Variants in KIF4A observed in about 807,000 individuals in gnomAD.
KIF4A encodes chromosome-associated kinesin KIF4A.
KIF4A carries 7 observed loss-of-function variants against 105.9 expected under a neutral mutation model. The ratio of observed to expected loss-of-function variants is 0.07; its 90% CI spans 0.04 to 0.12. The LOEUF is 0.12. Ranked by LOEUF, KIF4A falls within the 10% of genes least tolerant of loss-of-function variation. The probability of loss-of-function intolerance (pLI) is 1.00; values close to 1 mark genes in which losing one functional copy is unlikely to be tolerated. For synonymous variants in KIF4A, 281 were observed against 331.3 expected (o/e 0.85, Z 1.65); for missense variants, 558 against 929.2 (o/e 0.60, Z 5.19).
At chrX:70,418,617 C>G (rs755824807) in intron 29 of KIF4A, among the ~76,000 whole-genome samples, 1 of 111,679 alleles carries the variant, frequency 9.0e-6, no homozygotes, top group Admixed American at 9.5e-5. Context: ...AAGAGCAGCA[C>G]CAAGCAGGTC....
chrX:70,290,867 A>G, intron 3 of KIF4A, 62 bp downstream of exon 3: 1 of 796,028 alleles, frequency 1.3e-6, no homozygotes, highest in Non-Finnish European at 1.9e-6. Context: ...CTATGTGCCA[A>G]GCACTGTGCT....
At chrX:70,409,415 G>A (rs1377781452) in intron 28 of KIF4A, among the ~76,000 whole-genome samples, 1 of 111,770 alleles carries the variant, frequency 8.9e-6, no homozygotes, top group Non-Finnish European at 1.9e-5. Flanking sequence ...ATTTATGGAC[G>A]TTTTACTATA....
At chrX:70,368,825 T>G (rs2086117160) in intron 15 of KIF4A, among the ~76,000 whole-genome samples, 1 of 112,191 alleles carries the variant, frequency 8.9e-6, no homozygotes, top group Non-Finnish European at 1.9e-5. Flanking sequence ...GCCTTTTGTT[T>G]GGCTATGCCC....
intron 15 of KIF4A, among the ~76,000 whole-genome samples, chrX:70,363,594 A>G (rs12392483): frequency 0.017 from 1,900 of 111,566 alleles, 37 homozygotes; most frequent in African/African-American, 0.058. Flanking sequence ...TTATGGCTAC[A>G]TAGTCCATGC....
intron 22 of KIF4A, among the ~76,000 whole-genome samples, chrX:70,400,837 G>C (rs1412332994): frequency 9.1e-6 from 1 of 109,346 alleles, no homozygotes; most frequent in African/African-American, 3.3e-5. Flanking sequence ...ACGTGATCTC[G>C]GCTCACTGCA....
chrX:70,354,494 A>G (rs757326927), intron 15 of KIF4A, among the ~76,000 whole-genome samples: 2 of 112,546 alleles, frequency 1.8e-5, no homozygotes, highest in Non-Finnish European at 3.8e-5. Context: ...TTATTCCCCC[A>G]TGGCAACTGT....
In KIF4A at chrX:70,396,067, T is replaced by TA. The variant is rs764204810; in HGVS notation, c.2489+20dup. 3.8e-6 allele frequency: 4 copies of TA among 1,064,773 alleles called. No individual in the cohort carries two copies. The highest frequency in any genetic ancestry group is 3.0e-5 in the East Asian group (1 of 32,950). 87.7% of individuals were successfully genotyped at this position (1,064,773 alleles called of 1,213,427 possible). A position where few individuals can be genotyped will look rare whatever the true frequency, so the allele number is the denominator to read the frequency against. On this transcript the variant is annotated intron_variant, in intron 22 of 30. Transcript: ENST00000374403. ...GAATTCAGGTAACAGGGACTATCTC[T>TA]AAGCCATTATAAAAATTTATGCCTG...
At position 70,405,906 on chromosome X, in the gene KIF4A, G is replaced by A; in HGVS notation, c.2976+1G>A. ...CCGAGAGAATGAAATCATCAAGCAG[G>A]TAATACAGTTTCCCACCCACTTGAT... On this transcript the variant is annotated splice_donor_variant, in intron 26 of 30. Coordinates refer to ENST00000374403, the MANE Select transcript of KIF4A (RefSeq NM_012310.5). LOFTEE classifies it high-confidence loss of function. 8.3e-7 allele frequency: 1 copy of A among 1,198,486 alleles called. No homozygotes were observed. The highest frequency in any genetic ancestry group is 3.0e-5 in the East Asian group (1 of 33,699).
intron 10 of KIF4A, among the ~76,000 whole-genome samples, chrX:70,335,420 A>G (rs1215074831): frequency 8.9e-6 from 1 of 112,276 alleles, no homozygotes; most frequent in Non-Finnish European, 1.9e-5. Flanking sequence ...TAATGGGTAT[A>G]GAATTTTAGT....
intron 15 of KIF4A, among the ~76,000 whole-genome samples, chrX:70,360,234 T>C (rs1430020845): frequency 1.8e-5 from 2 of 112,224 alleles, no homozygotes; most frequent in East Asian, 2.8e-4. Context: ...TTGGAAGACA[T>C]GAAAATCCAA....
intron 7 of KIF4A, among the ~76,000 whole-genome samples, chrX:70,307,465 G>C (rs1328878619): frequency 9.0e-6 from 1 of 111,162 alleles, no homozygotes; most frequent in Admixed American, 9.6e-5. Flanking sequence ...TTGCCTGCTT[G>C]TCCTGACTAG....
chrX:70,330,089 A>G, intron 8 of KIF4A, 68 bp from the exon 9 acceptor site: 1 of 969,836 alleles, frequency 1.0e-6, no homozygotes, highest in Non-Finnish European at 1.4e-6. Context: ...ACCCGAATGG[A>G]CGGCTTTGCT....
At chrX:70,348,182 G>A (rs775612010) in intron 13 of KIF4A, among the ~76,000 whole-genome samples, 56 of 108,970 alleles carry the variant, frequency 5.1e-4, no homozygotes, top group African/African-American at 1.8e-3. Flanking sequence ...AGTGGCTTAC[G>A]CCTGTAATCC....
chrX:70,361,946 T>A (rs758525414), intron 15 of KIF4A, among the ~76,000 whole-genome samples: 1 of 112,140 alleles, frequency 8.9e-6, no homozygotes, highest in East Asian at 2.8e-4. Context: ...CTCACCCTCT[T>A]TGTGAATCAA....
intron 29 of KIF4A, 125 bp from the exon 30 acceptor site, chrX:70,419,536 C>A: frequency 1.2e-6 from 1 of 842,515 alleles, no homozygotes; most frequent in Non-Finnish European, 1.7e-6. Flanking sequence ...CAGGGCCTCC[C>A]TAAGACTTGC....
At chrX:70,419,077 T>C (rs1357263630) in intron 29 of KIF4A, among the ~76,000 whole-genome samples, 1 of 97,291 alleles carries the variant, frequency 1.0e-5, no homozygotes, top group African/African-American at 4.0e-5. Flanking sequence ...AGAGCGAGAC[T>C]CCATCTCAAA....
chrX:70,322,555 C>T (rs1465686364), intron 7 of KIF4A, among the ~76,000 whole-genome samples: 3 of 109,175 alleles, frequency 2.7e-5, no homozygotes, highest in Non-Finnish European at 5.7e-5. Flanking sequence ...TCGTGATCCA[C>T]CCACCTCGGC....
Position 70,371,647 on chromosome X carries a change from T to C in KIF4A, c.1675-2504T>C, listed in dbSNP as rs1183236042. Among the ~76,000 whole-genome samples, 5 of 96,522 alleles carry C rather than the reference T, an allele frequency of 5.2e-5. No individual in the cohort carries two copies. In the East Asian group the frequency reaches 1.8e-3, roughly 35 times the overall value. The allele number at this position is 96,522 out of a possible 115,157, so 83.8% of individuals were successfully genotyped here. A position where few individuals can be genotyped will look rare whatever the true frequency, so the allele number is the denominator to read the frequency against. The stretch of plus-strand genomic sequence containing the variant: ...CTCCCGGATGGGGCGGCTGGCCAGG[T>C]GGGGGGCTGACCCCCCTACCTCCCT... On this transcript the variant is annotated intron_variant, in intron 15 of 30. Coordinates refer to ENST00000374403, the MANE Select transcript of KIF4A (RefSeq NM_012310.5).
At chrX:70,417,433 G>C (rs2086348875) in intron 28 of KIF4A, among the ~76,000 whole-genome samples, 1 of 112,014 alleles carries the variant, frequency 8.9e-6, no homozygotes, top group African/African-American at 3.2e-5. Context: ...GATCGCCTGA[G>C]GTCGGGAGTT....
Sources: allele counts gnomAD v4.1 joint callset (sites outside exome capture counted in the v4.1 genomes callset), GRCh38; gene constraint gnomAD v4.1.1; transcripts MANE v1.5; gene names NCBI Gene and HGNC (gene_info 2026-07-23, HGNC 2026-07-21).